Variants in ARID3A observed in about 807,000 individuals in gnomAD.
ARID3A encodes AT-rich interaction domain 3A.
In ARID3A, 11 loss-of-function variants were observed where a neutral mutation model predicts 52.7. The observed-to-expected ratio is 0.21, with a 90% CI of 0.13 to 0.35. The LOEUF (loss-of-function observed/expected upper bound fraction) is 0.35. Among genes scored for constraint, ARID3A ranks in the 10% least tolerant of loss-of-function variants. The pLI is 1.00. For missense variants in ARID3A, 721 were observed against 838.5 expected (o/e 0.86, Z 1.73); for synonymous variants, 404 against 359.4 (o/e 1.12, Z -1.40).
rs141200066 is a variant in ARID3A, at chr19:944,786, C to T, written c.693+12044C>T. On this transcript the variant is annotated intron_variant, in intron 3 of 8. Coordinates refer to ENST00000263620, the MANE Select transcript of ARID3A (RefSeq NM_005224.3). The surrounding 1 kb of genome is among the most constrained non-coding windows in gnomAD (Gnocchi z 5.9). ...GACCACAGACACTCGCCACCACACC[C>T]GGCTAACTTCATTTTATTTTTTGGA... 2.5e-3 allele frequency among the ~76,000 whole-genome samples: 387 copies of T among 152,286 alleles called. 1 individual carries two copies. The highest frequency in any genetic ancestry group is 8.8e-3 in the African/African-American group (366 of 41,572).
intron 3 of ARID3A, among the ~76,000 whole-genome samples, chr19:950,982 C>T (rs2037793449): frequency 6.6e-6 from 1 of 152,026 alleles, no homozygotes; most frequent in South Asian, 2.1e-4. Context: ...ACCACCACGC[C>T]TGGCCTATTT....
chr19:940,528 G>C (rs1234311092), intron 3 of ARID3A, among the ~76,000 whole-genome samples: 1 of 152,068 alleles, frequency 6.6e-6, no homozygotes, highest in Non-Finnish European at 1.5e-5. Context: ...GTCCAGGCAG[G>C]AGTAGAAGAG....
intron 1 of ARID3A, among the ~76,000 whole-genome samples, chr19:926,327 G>A (rs1158099927): frequency 2.6e-5 from 4 of 151,866 alleles, no homozygotes. Context: ...TCCCGGACTG[G>A]GAAGGCGGCC....
At position 929,465 on chromosome 19, in the gene ARID3A, G is replaced by A. The variant is rs1236471093; in HGVS notation, c.-64G>A. On this transcript the variant is annotated 5_prime_UTR_variant, in exon 2 of 9. Coordinates refer to ENST00000263620, the MANE Select transcript of ARID3A (RefSeq NM_005224.3). This position sits in a 1 kb window ranked among gnomAD's most constrained non-coding sequence, Gnocchi z 6.2. ...CCTCCCCGCAGGGGCCGCCCCCGCC[G>A]CCCACCCCTAGCGCCCGTGGTGGTG... The A allele has an allele frequency of 2.6e-5, 28 of 1,093,118 alleles. No homozygotes were observed. The highest frequency in any genetic ancestry group is 2.2e-4 in the South Asian group (15 of 66,768). 67.7% of individuals were successfully genotyped at this position (1,093,118 alleles called of 1,614,324 possible).
rs1439739456 is a variant in ARID3A at position 944,395 on chromosome 19, G to C, written c.693+11653G>C. 6.6e-6 allele frequency among the ~76,000 whole-genome samples: 1 copy of C among 152,048 alleles called. No homozygotes were observed. Among genetic ancestry groups the C allele is most frequent in the Non-Finnish European group, 1.5e-5 (1 of 67,998 alleles). ...GTGTGGCTGCACGGAGGCCTGTCTG[G>C]GTAGGAGTGTCGGTGGGGGCGGTCC... is the stretch of plus-strand genomic sequence containing the variant. On this transcript the variant is annotated intron_variant, in intron 3 of 8. Transcript: ENST00000263620. The surrounding 1 kb of genome is among the most constrained non-coding windows in gnomAD (Gnocchi z 5.9).
chr19:930,708 A>G (rs946970903), intron 2 of ARID3A, among the ~76,000 whole-genome samples: 5 of 150,408 alleles, frequency 3.3e-5, no homozygotes, highest in Admixed American at 6.6e-5. Flanking sequence ...ACGGGGTTTC[A>G]CCATGTTAGC....
chr19:954,961 C>T (rs1180508940), intron 3 of ARID3A, among the ~76,000 whole-genome samples: 2 of 152,166 alleles, frequency 1.3e-5, no homozygotes, highest in Non-Finnish European at 2.9e-5. Context: ...CCCTCAGCCC[C>T]TGGGGAGGGA....
Position 974,731 on chromosome 19 carries a change from C to G in ARID3A, c.*2666C>G, listed in dbSNP as rs1364324380. 4.3e-6 allele frequency: 1 copy of G among 231,552 alleles called. No homozygotes were observed. Among genetic ancestry groups the G allele is most frequent in the Non-Finnish European group, 8.5e-6 (1 of 117,098 alleles). The allele number at this position is 231,552 out of a possible 1,614,324, so 14.3% of individuals were successfully genotyped here. On this transcript the variant is annotated 3_prime_UTR_variant, in exon 9 of 9. Coordinates refer to ENST00000263620, the MANE Select transcript of ARID3A (RefSeq NM_005224.3). ...GGGTCGAGGGCTGGGTCGTCTCCCTCGGGCTGCGTGTGTGTGTCGGGAATC... is the reference window on the plus strand; with the variant it reads ...GGGTCGAGGGCTGGGTCGTCTCCCTGGGGCTGCGTGTGTGTGTCGGGAATC...
At chr19:966,551 T>G in intron 6 of ARID3A, 21 bp from the exon 7 acceptor site, 6 of 1,508,714 alleles carry the variant, frequency 4.0e-6, no homozygotes, top group Non-Finnish European at 5.3e-6. Flanking sequence ...TGGCCACCAA[T>G]TCCCCTTTTT....
intron 3 of ARID3A, among the ~76,000 whole-genome samples, chr19:949,371 TA>T (rs2037757149): frequency 6.6e-6 from 1 of 151,388 alleles, no homozygotes. Flanking sequence ...CCGTGCCAGA[TA>T]GCAGGATCAT....
rs1360853905 is a variant in ARID3A at position 947,669 on chromosome 19, A to G, written c.694-12423A>G. On this transcript the variant is annotated intron_variant, in intron 3 of 8. Transcript: ENST00000263620. The surrounding 1 kb of genome is among the most constrained non-coding windows in gnomAD (Gnocchi z 6.3). ...CTCCCCCGGAATCTCGTGATCTGGA[A>G]ATCCACAGAGAAGCACCTTCACCAC... Among the ~76,000 whole-genome samples the G allele has an allele frequency of 6.6e-6, 1 of 152,182 alleles. No individual in the cohort carries two copies. Among genetic ancestry groups the G allele is most frequent in the Non-Finnish European group, 1.5e-5 (1 of 68,024 alleles).
At chr19:963,297 C>T (rs150434658) in intron 4 of ARID3A, among the ~76,000 whole-genome samples, 123 of 152,332 alleles carry the variant, frequency 8.1e-4, no homozygotes, top group South Asian at 1.2e-3. Flanking sequence ...CTTCACTGAG[C>T]GCCTACTGTA....
At chr19:940,667 C>T (rs764702704) in intron 3 of ARID3A, among the ~76,000 whole-genome samples, 9 of 152,128 alleles carry the variant, frequency 5.9e-5, no homozygotes, top group African/African-American at 2.2e-4. Flanking sequence ...CAGCAGGTTC[C>T]GAGCACACAG....
At chr19:931,136 G>C (rs1050743640) in intron 2 of ARID3A, among the ~76,000 whole-genome samples, 3 of 151,862 alleles carry the variant, frequency 2.0e-5, no homozygotes, top group African/African-American at 7.3e-5. Flanking sequence ...TCTACAAAAA[G>C]TACAAAAATT....
intron 4 of ARID3A, among the ~76,000 whole-genome samples, chr19:963,407 G>C (rs947468801): frequency 2.6e-5 from 4 of 152,234 alleles, no homozygotes; most frequent in African/African-American, 9.6e-5. Flanking sequence ...CGGACAGAAC[G>C]ATAGGTTTAA....
At chr19:966,185 C>G (rs111978444) in intron 6 of ARID3A, among the ~76,000 whole-genome samples, 1 of 148,726 alleles carries the variant, frequency 6.7e-6, no homozygotes, top group African/African-American at 2.5e-5. Flanking sequence ...AAAGGCTGGG[C>G]GCGGTGGCTC....
chr19:968,382 C>A, intron 7 of ARID3A, 23 bp from the exon 8 acceptor site: 5 of 1,589,356 alleles, frequency 3.1e-6, no homozygotes, highest in Non-Finnish European at 4.3e-6. Flanking sequence ...AAAAAAGAAA[C>A]TAATTTGTTC....
Position 941,257 on chromosome 19 carries a change from C to T in ARID3A, c.693+8515C>T, listed in dbSNP as rs1055618038. Among the ~76,000 whole-genome samples the T allele has an allele frequency of 1.3e-5, 2 of 152,244 alleles. No homozygotes were observed. The highest frequency in any genetic ancestry group is 2.9e-5 in the Non-Finnish European group (2 of 68,036). On this transcript the variant is annotated intron_variant, in intron 3 of 8. Coordinates refer to ENST00000263620, the MANE Select transcript of ARID3A (RefSeq NM_005224.3). The surrounding 1 kb of genome is among the most constrained non-coding windows in gnomAD (Gnocchi z 6.9). ...GCCGTGGCGTGCGTGCGAGTGTGCA[C>T]GCTGGGGCTGTGGCCGGGCGGCTCG...
chr19:937,588 C>T (rs912983187), intron 3 of ARID3A, among the ~76,000 whole-genome samples: 2 of 152,024 alleles, frequency 1.3e-5, no homozygotes, highest in African/African-American at 4.8e-5. Context: ...CCATATTCAC[C>T]CATCAGAGGA....
Sources: allele counts gnomAD v4.1 joint callset (sites outside exome capture counted in the v4.1 genomes callset), GRCh38; gene constraint gnomAD v4.1.1; non-coding constraint Gnocchi (gnomAD v3.1); transcripts MANE v1.5; gene names NCBI Gene and HGNC (gene_info 2026-07-23, HGNC 2026-07-21).